Variants in PPIL6 observed in about 807,000 individuals in gnomAD.
PPIL6 encodes peptidylprolyl isomerase like 6.
In PPIL6, 39 loss-of-function variants were observed where a neutral mutation model predicts 36.8. The ratio of observed to expected loss-of-function variants is 1.06; its 90% CI spans 0.82 to 1.38. The LOEUF is 1.38. Ranked by LOEUF, PPIL6 falls within the 40% of genes most tolerant of loss-of-function variation. PPIL6 has a pLI of 0.00. For synonymous variants in PPIL6, 123 were observed against 134.1 expected, an observed-to-expected ratio of 0.92 and a Z score of 0.57; for missense variants, 368 against 379.1, an observed-to-expected ratio of 0.97 and a Z score of 0.24.
upstream of PPIL6, chr6:109,440,920 C>T: frequency 1.7e-6 from 1 of 586,644 alleles, no homozygotes; most frequent in Non-Finnish European, 2.9e-6. Context: ...TGGCGGCCCG[C>T]CTGATTGGGA....
chr6:109,440,899 C>T (rs944215738), upstream of PPIL6: 2 of 563,976 alleles, frequency 3.5e-6, no homozygotes, highest in Admixed American at 3.5e-5. Context: ...CAGCGGATCG[C>T]CTTTCCGGGT....
At chr6:109,397,537 G>C (rs1772350447) in intron 7 of PPIL6, among the ~76,000 whole-genome samples, 1 of 152,076 alleles carries the variant, frequency 6.6e-6, no homozygotes, top group African/African-American at 2.4e-5. Flanking sequence ...GTACCTTGTC[G>C]CTCTTTTTCC....
intron 7 of PPIL6, 46 bp from the exon 8 acceptor site, chr6:109,392,983 C>T: frequency 8.8e-7 from 1 of 1,131,210 alleles, no homozygotes. Flanking sequence ...CATAAGTTTT[C>T]ATATTTAGCT....
chr6:109,411,120 T>G (rs1772996546), intron 6 of PPIL6, among the ~76,000 whole-genome samples: 2 of 152,152 alleles, frequency 1.3e-5, no homozygotes. Flanking sequence ...CAGAGGTGAA[T>G]GTATGCTGGC....
chr6:109,402,523 A>C (rs1413786309), intron 6 of PPIL6, among the ~76,000 whole-genome samples: 2 of 152,066 alleles, frequency 1.3e-5, no homozygotes, highest in East Asian at 3.9e-4. Flanking sequence ...ATGACAGAGA[A>C]AGACTCGGTC....
Position 109,413,231 on chromosome 6 carries a change from C to A in PPIL6, c.688+5956G>T, listed in dbSNP as rs1398430973. Among the ~76,000 whole-genome samples, 1 of 151,980 alleles carries A rather than the reference C, an allele frequency of 6.6e-6. No homozygotes were observed. Among genetic ancestry groups the A allele is most frequent in the African/African-American group, 2.4e-5 (1 of 41,366 alleles). Reference sequence around the variant, plus strand: ...TACCCATCTGACGAGGGATTAATAACCAGAATATATAAGGAGCTCAAACAA... The same window carrying A: ...TACCCATCTGACGAGGGATTAATAAACAGAATATATAAGGAGCTCAAACAA... On this transcript the variant is annotated intron_variant, in intron 6 of 7. Coordinates refer to ENST00000521072, the MANE Select transcript of PPIL6 (RefSeq NM_173672.5). The surrounding 1 kb of genome is among the most constrained non-coding windows in gnomAD (Gnocchi z 4.6).
intron 6 of PPIL6, among the ~76,000 whole-genome samples, chr6:109,412,895 C>G (rs1051526967): frequency 6.6e-6 from 1 of 152,174 alleles, no homozygotes; most frequent in African/African-American, 2.4e-5. Flanking sequence ...CGTGGTAGCT[C>G]ACACCTGTAA....
chr6:109,431,962 G>T (rs914985892), intron 2 of PPIL6, among the ~76,000 whole-genome samples: 6 of 152,084 alleles, frequency 3.9e-5, no homozygotes, highest in African/African-American at 1.4e-4. Context: ...CCTCAACCTT[G>T]GCCCAAATTA....
chr6:109,392,051 C>T lies in PPIL6; in HGVS notation c.*775G>A, dbSNP rs1240945541. ...CACAAGTAACAAAATTCTCAACCAA[C>T]AGTAACATAAACAACACAACACAGG... On this transcript the variant is annotated 3_prime_UTR_variant, in exon 8 of 8. Transcript: ENST00000521072. The T allele has an allele frequency of 6.6e-6, 1 of 152,202 alleles. No homozygotes were observed. Among genetic ancestry groups the T allele is most frequent in the African/African-American group, 2.4e-5 (1 of 41,458 alleles). 9.4% of individuals were successfully genotyped at this position (152,202 alleles called of 1,614,324 possible). A position where few individuals can be genotyped will look rare whatever the true frequency, so the allele number is the denominator to read the frequency against.
At chr6:109,424,854 A>C (rs1436639173) in intron 5 of PPIL6, among the ~76,000 whole-genome samples, 2 of 152,224 alleles carry the variant, frequency 1.3e-5, no homozygotes, top group African/African-American at 4.8e-5. Context: ...GGGAAGCATG[A>C]ATTATCCACC....
chr6:109,400,947 C>T (rs1180597088), intron 6 of PPIL6, among the ~76,000 whole-genome samples: 3 of 151,918 alleles, frequency 2.0e-5, no homozygotes, highest in African/African-American at 7.3e-5. Flanking sequence ...GCAAGCTCCG[C>T]CTCCCGGGTT....
At chr6:109,428,763 T>C (rs895931766) in intron 3 of PPIL6, among the ~76,000 whole-genome samples, 3 of 152,120 alleles carry the variant, frequency 2.0e-5, no homozygotes, top group African/African-American at 7.2e-5. Context: ...AATTTGTGCC[T>C]CTCAGCTTCT....
intron 6 of PPIL6, among the ~76,000 whole-genome samples, chr6:109,418,461 G>A (rs942890095): frequency 1.3e-5 from 2 of 151,782 alleles, no homozygotes; most frequent in African/African-American, 4.8e-5. Flanking sequence ...TTAACTGTTT[G>A]TATTGTGGAA....
At chr6:109,393,221 A>ATT (rs35022203) in intron 7 of PPIL6, among the ~76,000 whole-genome samples, 47,118 of 143,326 alleles carry the variant, frequency 0.33, 7,521 homozygotes, top group Middle Eastern at 0.42. Flanking sequence ...AGTCAGGGTG[A>ATT]TTTTTTTTTT....
intron 7 of PPIL6, among the ~76,000 whole-genome samples, chr6:109,399,070 C>G (rs1343448495): frequency 6.6e-6 from 1 of 151,242 alleles, no homozygotes; most frequent in African/African-American, 2.4e-5. Context: ...GGACTACAGG[C>G]ACACACCACC....
intron 1 of PPIL6, 179 bp downstream of exon 1, chr6:109,440,277 C>G (rs1382335227): frequency 2.6e-6 from 2 of 779,760 alleles, no homozygotes; most frequent in Non-Finnish European, 4.3e-6. Context: ...CACTTGCCCC[C>G]CTATACTCTC....
intron 6 of PPIL6, among the ~76,000 whole-genome samples, chr6:109,407,303 T>C (rs946605173): frequency 2.6e-5 from 4 of 151,874 alleles, no homozygotes; most frequent in Non-Finnish European, 5.9e-5. Context: ...GCAGTGGCGC[T>C]ATCTCGGCTC....
rs778729616 is a variant in PPIL6 at position 109,440,345 on chromosome 6, C to T, written c.135+111G>A. On this transcript the variant is annotated intron_variant, in intron 1 of 7. Transcript: ENST00000521072. ...AGGACACGCCAGCCCCTTCCTCGGC[C>T]GGTGGGGCCTCGACCCCCGCCGCCT... 58 of 1,322,606 alleles carry T rather than the reference C, an allele frequency of 4.4e-5. No homozygotes were observed. The African/African-American group carries it at 5.3e-4, about 12-fold the overall frequency. 81.9% of individuals were successfully genotyped at this position (1,322,606 alleles called of 1,614,324 possible).
intron 6 of PPIL6, chr6:109,405,107 T>C (rs974485803): frequency 3.5e-5 from 13 of 368,500 alleles, no homozygotes; most frequent in Admixed American, 1.2e-4. Context: ...TATTCAAATA[T>C]AGACACAAAA....
Sources: allele counts gnomAD v4.1 joint callset (sites outside exome capture counted in the v4.1 genomes callset), GRCh38; gene constraint gnomAD v4.1.1; non-coding constraint Gnocchi (gnomAD v3.1); transcripts MANE v1.5; gene names NCBI Gene and HGNC (gene_info 2026-07-23, HGNC 2026-07-21).